The following SNUPN variants were observed in gnomAD, a reference collection of about 807,000 sequenced individuals.
The protein encoded by SNUPN is snurportin 1.
Under a neutral mutation model 39.2 loss-of-function variants are expected in SNUPN, and 31 were observed. The ratio of observed to expected loss-of-function variants is 0.79; its 90% CI spans 0.59 to 1.07. SNUPN has a LOEUF of 1.07. SNUPN is among the 50% of genes least tolerant of loss of function. The probability of loss-of-function intolerance (pLI) is 0.00; values close to 1 mark genes in which losing one functional copy is unlikely to be tolerated. For synonymous variants in SNUPN, 132 were observed against 159.0 expected, an observed-to-expected ratio of 0.83 and a Z score of 1.28; for missense variants, 382 against 434.2, an observed-to-expected ratio of 0.88 and a Z score of 1.07.
At chr15:75,605,778 G>T (rs970048367) in intron 6 of SNUPN, among the ~76,000 whole-genome samples, 1 of 152,198 alleles carries the variant, frequency 6.6e-6, no homozygotes, top group Non-Finnish European at 1.5e-5. Flanking sequence ...TTGAATTTAT[G>T]TTCTGAGTTG....
At chr15:75,603,811 AC>A (rs2075310354) in intron 7 of SNUPN, among the ~76,000 whole-genome samples, 1 of 152,148 alleles carries the variant, frequency 6.6e-6, no homozygotes, top group Non-Finnish European at 1.5e-5. Context: ...AATCCTTTTC[AC>A]ACCTGCAAGG....
Position 75,621,039 on chromosome 15 carries a change from T to C in SNUPN, c.13A>G (p.Ser5Gly), listed in dbSNP as rs779884402. MEELSQALASSFSVS... is the reference protein window; with the variant it reads MEELGQALASSFSVS... ...GAAAAGCTACTAGCCAGGGCCTGAC[T>C]CAACTCTTCCATCTTCCCTACAAAG... is the stretch of plus-strand genomic sequence containing the variant. Residue 5 changes from serine (S) to glycine (G), a missense_variant, in exon 2 of 9, where the codon AGT becomes GGT. Physicochemically the swap from Ser to Gly is moderately conservative, Grantham distance 56 (BLOSUM62 0). Coordinates refer to ENST00000308588, the MANE Select transcript of SNUPN (RefSeq NM_005701.4). The C allele has an allele frequency of 6.2e-7, 1 of 1,613,884 alleles. No individual in the cohort carries two copies. Among genetic ancestry groups the C allele is most frequent in the Non-Finnish European group, 8.5e-7 (1 of 1,179,966 alleles).
At chr15:75,611,281 C>G (rs1326715195) in intron 3 of SNUPN, among the ~76,000 whole-genome samples, 1 of 148,872 alleles carries the variant, frequency 6.7e-6, no homozygotes, top group Non-Finnish European at 1.5e-5. Flanking sequence ...GAGATGGAGT[C>G]TCGCTCTGTC....
At chr15:75,612,481 C>A (rs1174272336) in intron 3 of SNUPN, among the ~76,000 whole-genome samples, 1 of 152,166 alleles carries the variant, frequency 6.6e-6, no homozygotes, top group Non-Finnish European at 1.5e-5. Flanking sequence ...CACACTCCCC[C>A]AAAATATGTA....
At chr15:75,603,970 T>C (rs539744391) in intron 7 of SNUPN, among the ~76,000 whole-genome samples, 5 of 152,078 alleles carry the variant, frequency 3.3e-5, no homozygotes, top group African/African-American at 1.2e-4. Flanking sequence ...ACAGCACATA[T>C]CTACTTCGTA....
At chr15:75,601,001 C>G in intron 8 of SNUPN, 137 bp downstream of exon 8, 1 of 701,770 alleles carries the variant, frequency 1.4e-6, no homozygotes. Flanking sequence ...GCAAGTACAT[C>G]CTTTCTCCAG....
At chr15:75,622,446 G>A in intron 1 of SNUPN, 1 of 985,368 alleles carries the variant, frequency 1.0e-6, no homozygotes, top group Non-Finnish European at 1.2e-6. Context: ...GACAGGCATG[G>A]AGTAGATGTC....
chr15:75,622,012 G>A (rs1269574613), intron 1 of SNUPN, among the ~76,000 whole-genome samples: 1 of 151,890 alleles, frequency 6.6e-6, no homozygotes, highest in Non-Finnish European at 1.5e-5. Context: ...CTCCAGCCTG[G>A]GCGACACAGC....
At chr15:75,603,710 AG>A (rs1441287855) in intron 7 of SNUPN, among the ~76,000 whole-genome samples, 2 of 151,192 alleles carry the variant, frequency 1.3e-5, no homozygotes, top group East Asian at 3.9e-4. Context: ...ACATACAGTC[AG>A]GAGTGGGAAC....
At chr15:75,618,170 C>T (rs1892983364) in intron 2 of SNUPN, among the ~76,000 whole-genome samples, 1 of 152,086 alleles carries the variant, frequency 6.6e-6, no homozygotes, top group African/African-American at 2.4e-5. Context: ...CCCCATCCCA[C>T]CCCAGATGAG....
intron 7 of SNUPN, among the ~76,000 whole-genome samples, chr15:75,603,378 TG>T (rs1252698906): frequency 6.2e-5 from 9 of 145,582 alleles, no homozygotes; most frequent in Admixed American, 6.2e-4. Context: ...AGCTCTTCAC[TG>T]GGCCGGGTGC....
chr15:75,598,757 G>A, intron 8 of SNUPN, 76 bp from the exon 9 acceptor site: 3 of 1,172,216 alleles, frequency 2.6e-6, no homozygotes, highest in Non-Finnish European at 3.6e-6. Flanking sequence ...TACACACAAG[G>A]GCAGCTCTTG....
Position 75,620,981 on chromosome 15 carries a change from G to A in SNUPN, c.71C>T (p.Pro24Leu), listed in dbSNP as rs1198075994. 1 of 1,614,064 alleles carries A rather than the reference G, an allele frequency of 6.2e-7. No individual in the cohort carries two copies. ...VSQDLNSTAA[P>L]HPRLSQYKSK... ...CTTGTACTGGGATAGGCGGGGGTGTGGGGCAGCTGTGCTGTTCAGATCTTG... is the reference window on the plus strand; with the variant it reads ...CTTGTACTGGGATAGGCGGGGGTGTAGGGCAGCTGTGCTGTTCAGATCTTG... Residue 24 changes from proline (P) to leucine (L), a missense_variant, in exon 2 of 9, where the codon CCA (proline) becomes CTA (leucine). By Grantham distance (98) the Pro-to-Leu change is moderately conservative. Transcript: ENST00000308588.
rs762978491 is a variant in SNUPN at position 75,620,870 on chromosome 15, G to A, written c.158+24C>T. On this transcript the variant is annotated intron_variant, in intron 2 of 8. Coordinates refer to ENST00000308588, the MANE Select transcript of SNUPN (RefSeq NM_005701.4). ...CATAGCTCCTAGCCCAGAGAAAGAAGACAAGGAGTTAAAGCTTCCTTACGA... is the reference window on the plus strand; with the variant it reads ...CATAGCTCCTAGCCCAGAGAAAGAAAACAAGGAGTTAAAGCTTCCTTACGA... 16 of 1,607,692 alleles carry A rather than the reference G, an allele frequency of 1.0e-5. No individual in the cohort carries two copies. The East Asian group carries it at 2.9e-4, about 29-fold the overall frequency.
intron 1 of SNUPN, among the ~76,000 whole-genome samples, chr15:75,623,587 G>A (rs1410248923): frequency 2.0e-5 from 3 of 151,828 alleles, no homozygotes; most frequent in Non-Finnish European, 4.4e-5. Flanking sequence ...TGGGATTATA[G>A]ACATGCACCA....
At chr15:75,600,981 C>T in intron 8 of SNUPN, 157 bp downstream of exon 8, 1 of 622,080 alleles carries the variant, frequency 1.6e-6, no homozygotes, top group Admixed American at 2.3e-5. Context: ...AGCTCAGGCT[C>T]TGAAGGGCAG....
At chr15:75,610,022 A>G in intron 3 of SNUPN, 28 bp from the exon 4 acceptor site, 1 of 1,541,106 alleles carries the variant, frequency 6.5e-7, no homozygotes, top group Non-Finnish European at 9.0e-7. Context: ...AGTGTTAAAG[A>G]TCAGCAGGGG....
chr15:75,599,791 TA>T (rs1214938581), intron 8 of SNUPN, among the ~76,000 whole-genome samples: 1 of 152,096 alleles, frequency 6.6e-6, no homozygotes, highest in African/African-American at 2.4e-5. Flanking sequence ...GATCCTTATA[TA>T]AAATTACATC....
Position 75,607,207 on chromosome 15 carries a change from C to T in SNUPN, c.600+9G>A. On this transcript the variant is annotated intron_variant, in intron 6 of 8. Coordinates refer to ENST00000308588, the MANE Select transcript of SNUPN (RefSeq NM_005701.4). ...CAGGAAGAGCCACGAGAGGAGGATC[C>T]ATCCCTACCTGGCAATCATAAAAAG... 1 of 1,599,978 alleles carries T rather than the reference C, an allele frequency of 6.3e-7. No homozygotes were observed. Among genetic ancestry groups the T allele is most frequent in the Middle Eastern group, 1.7e-4 (1 of 5,912 alleles).
Sources: gnomAD v4.1 joint callset for allele counts (sites outside exome capture counted in the v4.1 genomes callset) on GRCh38, gnomAD v4.1.1 for gene constraint, MANE v1.5 for transcripts, NCBI Gene and HGNC (gene_info 2026-07-23, HGNC 2026-07-21) for gene names.